UBASH3B: variants seen among roughly 807,000 people sequenced by gnomAD.
UBASH3B encodes the protein ubiquitin associated and SH3 domain containing B.
A neutral mutation model predicts 83.4 loss-of-function variants in UBASH3B; 37 were observed. The observed-to-expected ratio is 0.44, with a 90% confidence interval of 0.34 to 0.58. The LOEUF (loss-of-function observed/expected upper bound fraction) is 0.58, where lower values mean the gene tolerates loss of function less well. Ranked by LOEUF, UBASH3B falls within the 20% of genes least tolerant of loss-of-function variation. The pLI is 0.01. For missense variants in UBASH3B, 657 were observed against 827.2 expected (o/e 0.79, Z 2.52); for synonymous variants, 304 against 318.3 (o/e 0.96, Z 0.48).
chr11:122,808,057 T>A lies in UBASH3B; in HGVS notation c.1703-10T>A. 6.2e-7 allele frequency: 1 copy of A among 1,611,486 alleles called. No homozygotes were observed. Among genetic ancestry groups the A allele is most frequent in the South Asian group, 1.1e-5 (1 of 91,038 alleles). On this transcript the variant is annotated splice_polypyrimidine_tract_variant and intron_variant, in intron 12 of 13. Transcript: ENST00000284273. ...AAACAGTCTTCCCATACCTTGCCAT[T>A]TTCCCCCAGGAAATAACATCCTGAT...
intron 6 of UBASH3B, among the ~76,000 whole-genome samples, chr11:122,791,941 A>G (rs1861060853): frequency 6.6e-6 from 1 of 152,224 alleles, no homozygotes; most frequent in Non-Finnish European, 1.5e-5. Context: ...GGCTTAGCAC[A>G]GGCCTGGTGT....
chr11:122,693,446 CTTGAAGA>C (rs1414035232), intron 1 of UBASH3B, among the ~76,000 whole-genome samples: 1 of 152,104 alleles, frequency 6.6e-6, no homozygotes, highest in African/African-American at 2.4e-5. Context: ...CACCTTAAGG[CTTGAAGA>C]TTTTAGAGTT....
At chr11:122,737,883 A>T (rs1043344558) in intron 1 of UBASH3B, among the ~76,000 whole-genome samples, 28 of 152,202 alleles carry the variant, frequency 1.8e-4, no homozygotes, top group Admixed American at 5.2e-4. Context: ...CCCAGGGAAG[A>T]GCTGGGATTA....
chr11:122,801,654 T>C (rs926381018), intron 11 of UBASH3B, among the ~76,000 whole-genome samples: 21 of 152,350 alleles, frequency 1.4e-4, no homozygotes, highest in Non-Finnish European at 2.2e-4. Context: ...GTTGAGAAGA[T>C]TGGAGCGATA....
At chr11:122,732,353 A>T (rs921992253) in intron 1 of UBASH3B, among the ~76,000 whole-genome samples, 1 of 152,240 alleles carries the variant, frequency 6.6e-6, no homozygotes, top group African/African-American at 2.4e-5. Flanking sequence ...CCAGGTTGTT[A>T]TGAAGGTATA....
chr11:122,811,501 T>C lies in UBASH3B; in HGVS notation c.*1615T>C, dbSNP rs906870392. ...CAAAAGGATTATAGTTGTTTTGTTT[T>C]GTTTTTAGAGACAGGGTCTCACTAT... On this transcript the variant is annotated 3_prime_UTR_variant, in exon 14 of 14. Transcript: ENST00000284273. 6.6e-6 allele frequency: 1 copy of C among 152,302 alleles called. No homozygotes were observed. Among genetic ancestry groups the C allele is most frequent in the Admixed American group, 6.5e-5 (1 of 15,296 alleles). 9.4% of individuals were successfully genotyped at this position (152,302 alleles called of 1,614,324 possible). A position where few individuals can be genotyped will look rare whatever the true frequency, so the allele number is the denominator to read the frequency against.
In UBASH3B at chr11:122,806,820, C is replaced by A. The variant is rs1427683737; in HGVS notation, c.1702+304C>A. Among the ~76,000 whole-genome samples, 1 of 152,138 alleles carries A rather than the reference C, an allele frequency of 6.6e-6. No homozygotes were observed. Among genetic ancestry groups the A allele is most frequent in the Non-Finnish European group, 1.5e-5 (1 of 68,032 alleles). On this transcript the variant is annotated intron_variant, in intron 12 of 13. Coordinates refer to ENST00000284273, the MANE Select transcript of UBASH3B (RefSeq NM_032873.5). This position sits in a 1 kb window ranked among gnomAD's most constrained non-coding sequence, Gnocchi z 4.0. ...ATAATTTCCAAAAGCTCTAGCATGC[C>A]ACTGTTTTGCCTATAATTGATGCAG...
In UBASH3B at chr11:122,656,028, G is replaced by A. The variant is rs1391792191; in HGVS notation, c.-22G>A. ...ACCATCCGGCTCGGGCTCCTTCCCT[G>A]GCGATGGCTGGCCGCTGAGCCATGG... On this transcript the variant is annotated 5_prime_UTR_variant, in exon 1 of 14. Transcript: ENST00000284273. 8 of 1,558,090 alleles carry A rather than the reference G, an allele frequency of 5.1e-6. No homozygotes were observed. Among genetic ancestry groups the A allele is most frequent in the East Asian group, 2.5e-5 (1 of 39,884 alleles).
At chr11:122,776,626 T>TC (rs1322924368) in intron 2 of UBASH3B, among the ~76,000 whole-genome samples, 1 of 152,104 alleles carries the variant, frequency 6.6e-6, no homozygotes, top group Admixed American at 6.5e-5. Flanking sequence ...CCAGGGTGGG[T>TC]CCTACAAGGT....
At chr11:122,769,430 G>T (rs1251062077) in intron 1 of UBASH3B, among the ~76,000 whole-genome samples, 1 of 152,160 alleles carries the variant, frequency 6.6e-6, no homozygotes, top group East Asian at 1.9e-4. Flanking sequence ...TGCCATAAAG[G>T]TTTAAAGTCT....
rs56852577 is a variant in UBASH3B, at chr11:122,690,999, C to T, written c.161+34789C>T. ...TACCGAAGGCCACGAAGCAAAGTAG[C>T]GGTAAAGCCAGAACCAAACCCCGGG... On this transcript the variant is annotated intron_variant, in intron 1 of 13. Coordinates refer to ENST00000284273, the MANE Select transcript of UBASH3B (RefSeq NM_032873.5). Among the ~76,000 whole-genome samples the T allele has an allele frequency of 4.7e-3, 711 of 152,292 alleles. 8 individuals carry two copies. The highest frequency in any genetic ancestry group is 0.016 in the African/African-American group (666 of 41,568).
rs569579094 is a variant in UBASH3B at position 122,809,340 on chromosome 11, A to G, written c.1813-409A>G. Among the ~76,000 whole-genome samples, 23 of 152,220 alleles carry G rather than the reference A, an allele frequency of 1.5e-4. No homozygotes were observed. In the South Asian group the frequency reaches 4.8e-3, roughly 32 times the overall value. The stretch of plus-strand genomic sequence containing the variant: ...CCCGCCCGCCTCGGCCTCCCAAAGT[A>G]CTGGGATTACAGGCGTGAGCCACTG... On this transcript the variant is annotated intron_variant, in intron 13 of 13. Coordinates refer to ENST00000284273, the MANE Select transcript of UBASH3B (RefSeq NM_032873.5).
chr11:122,706,108 TTTTTTTTTTTTC>T (rs1565535869), intron 1 of UBASH3B, among the ~76,000 whole-genome samples: 4 of 140,140 alleles, frequency 2.9e-5, no homozygotes, highest in Non-Finnish European at 1.5e-5. Flanking sequence ...TTTTCTTTCT[TTTTTTTTTTTTC>T]TTTTTTTTTT....
chr11:122,724,914 G>A (rs1236949161), intron 1 of UBASH3B, among the ~76,000 whole-genome samples: 6 of 152,064 alleles, frequency 3.9e-5, no homozygotes, highest in Non-Finnish European at 8.8e-5. Context: ...CACTGGGAGT[G>A]TTCGAAGAAC....
At chr11:122,777,980 T>G (rs2135142809) in intron 3 of UBASH3B, among the ~76,000 whole-genome samples, 1 of 152,254 alleles carries the variant, frequency 6.6e-6, no homozygotes, top group Non-Finnish European at 1.5e-5. Context: ...TCCGCCCACC[T>G]CAGCCTCCCA....
chr11:122,664,032 T>A (rs1238352767), intron 1 of UBASH3B, among the ~76,000 whole-genome samples: 2 of 152,192 alleles, frequency 1.3e-5, no homozygotes, highest in African/African-American at 4.8e-5. Context: ...CTCTGTGGTT[T>A]GGTTCCTTGG....
intron 1 of UBASH3B, among the ~76,000 whole-genome samples, chr11:122,742,081 T>C (rs549760677): frequency 6.6e-6 from 1 of 152,306 alleles, no homozygotes; most frequent in Admixed American, 6.5e-5. Context: ...AATCTGGAGT[T>C]GGACACAGTC....
At chr11:122,794,275 G>A (rs1176846854) in intron 6 of UBASH3B, among the ~76,000 whole-genome samples, 1 of 152,080 alleles carries the variant, frequency 6.6e-6, no homozygotes, top group Non-Finnish European at 1.5e-5. Flanking sequence ...GTGCGATCTT[G>A]GCTCACTACA....
intron 1 of UBASH3B, among the ~76,000 whole-genome samples, chr11:122,757,973 T>C (rs185885662): frequency 0.012 from 1,858 of 152,204 alleles, 42 homozygotes; most frequent in African/African-American, 0.042. Flanking sequence ...CCCAAAGTGC[T>C]GGGATTACAG....
Sources: allele counts gnomAD v4.1 joint callset (sites outside exome capture counted in the v4.1 genomes callset), GRCh38; gene constraint gnomAD v4.1.1; non-coding constraint Gnocchi (gnomAD v3.1); transcripts MANE v1.5; gene names NCBI Gene and HGNC (gene_info 2026-07-23, HGNC 2026-07-21).